GALNT2: variants seen among roughly 807,000 people sequenced by gnomAD.
The protein encoded by GALNT2 is polypeptide N-acetylgalactosaminyltransferase 2.
In GALNT2, 31 loss-of-function variants were observed where a neutral mutation model predicts 81.4. That is an observed-to-expected ratio of 0.38 (90% CI 0.29 to 0.51). GALNT2 has a LOEUF of 0.51. Ranked by LOEUF, GALNT2 falls within the 20% of genes least tolerant of loss-of-function variation. GALNT2 has a pLI of 0.87. For synonymous variants in GALNT2, 303 were observed against 287.4 expected (o/e 1.05, Z -0.55); for missense variants, 629 against 765.7 (o/e 0.82, Z 2.11).
At chr1:230,235,784 C>T (rs1427388261) in intron 3 of GALNT2, among the ~76,000 whole-genome samples, 1 of 152,106 alleles carries the variant, frequency 6.6e-6, no homozygotes, top group African/African-American at 2.4e-5. Flanking sequence ...CAATATGTTA[C>T]TTTTTGCCGA....
intron 3 of GALNT2, among the ~76,000 whole-genome samples, chr1:230,228,063 C>T (rs1664767719): frequency 6.6e-6 from 1 of 151,978 alleles, no homozygotes; most frequent in South Asian, 2.1e-4. Context: ...ACGGCCAATT[C>T]AAAAATGTAA....
rs76884312 is a variant in GALNT2 at position 230,124,058 on chromosome 1, C to G, written c.127-54160C>G. ...GTGAGGATGACCTGAAGATATGACT[C>G]CCTGTCCTTTGGACTAAGTGGCCTT... On this transcript the variant is annotated intron_variant, in intron 1 of 15. Coordinates refer to ENST00000366672, the MANE Select transcript of GALNT2 (RefSeq NM_004481.5). 2.0e-5 allele frequency among the ~76,000 whole-genome samples: 3 copies of G among 152,150 alleles called. No individual in the cohort carries two copies. In the East Asian group the frequency reaches 5.8e-4, roughly 29 times the overall value.
chr1:230,178,085 G>T, intron 1 of GALNT2, 133 bp from the exon 2 acceptor site: 4 of 586,138 alleles, frequency 6.8e-6, no homozygotes, highest in Non-Finnish European at 1.2e-5. Context: ...TTTAAGATGT[G>T]CCCTCCCTCC....
chr1:230,246,362 C>A (rs1274161448), intron 8 of GALNT2, among the ~76,000 whole-genome samples: 3 of 152,214 alleles, frequency 2.0e-5, no homozygotes, highest in Non-Finnish European at 4.4e-5. Flanking sequence ...CTGGGTTTCC[C>A]TTTCTCCTCT....
chr1:230,075,151 A>G (rs1190905765), intron 1 of GALNT2, among the ~76,000 whole-genome samples: 1 of 130,728 alleles, frequency 7.6e-6, no homozygotes, highest in African/African-American at 2.9e-5. Flanking sequence ...TTTGAGACAA[A>G]GTCTCACTCT....
At chr1:230,120,853 G>A (rs1346740593) in intron 1 of GALNT2, among the ~76,000 whole-genome samples, 1 of 152,124 alleles carries the variant, frequency 6.6e-6, no homozygotes, top group Admixed American at 6.5e-5. Context: ...TGTTGGCACT[G>A]CTTCCACCCC....
chr1:230,277,149 G>A (rs1666325424), intron 15 of GALNT2, among the ~76,000 whole-genome samples: 1 of 152,142 alleles, frequency 6.6e-6, no homozygotes, highest in Non-Finnish European at 1.5e-5. Flanking sequence ...CTGGATGTAT[G>A]GCATGTATAA....
Position 230,105,392 on chromosome 1 carries a change from A to G in GALNT2, c.126+37986A>G, listed in dbSNP as rs919005019. Among the ~76,000 whole-genome samples the G allele has an allele frequency of 2.8e-4, 42 of 151,758 alleles. 1 individual carries two copies. The highest frequency in any genetic ancestry group is 5.9e-5 in the Non-Finnish European group (4 of 68,026). On this transcript the variant is annotated intron_variant, in intron 1 of 15. Transcript: ENST00000366672. The stretch of plus-strand genomic sequence containing the variant: ...GTCGCACCATATCATTGATTCTACA[A>G]TGCACATTTCCCCCGCCTCTCATGT...
In GALNT2 at chr1:230,158,872, C is replaced by T. The variant is rs189860918; in HGVS notation, c.127-19346C>T. ...GGCTTTGTTCGTTTGCACACGAGGTCGTGAATAGCTGGCAACAAAGAGGAT... is the reference window on the plus strand; with the variant it reads ...GGCTTTGTTCGTTTGCACACGAGGTTGTGAATAGCTGGCAACAAAGAGGAT... On this transcript the variant is annotated intron_variant, in intron 1 of 15. Transcript: ENST00000366672. Among the ~76,000 whole-genome samples, 425 of 152,258 alleles carry T rather than the reference C, an allele frequency of 2.8e-3. 1 individual carries two copies. The highest frequency in any genetic ancestry group is 5.3e-3 in the Non-Finnish European group (358 of 68,028).
At chr1:230,242,543 A>T (rs1665232966) in intron 6 of GALNT2, among the ~76,000 whole-genome samples, 1 of 151,832 alleles carries the variant, frequency 6.6e-6, no homozygotes, top group East Asian at 1.9e-4. Flanking sequence ...TTTATTTTTT[A>T]TTTATTTTGA....
At chr1:230,123,971 G>A (rs12733302) in intron 1 of GALNT2, among the ~76,000 whole-genome samples, 17,092 of 152,204 alleles carry the variant, frequency 0.11, 1,169 homozygotes, top group East Asian at 0.21. Context: ...TGTTTATTTG[G>A]TGAACTCTGT....
Position 230,275,855 on chromosome 1 carries a change from GATATACATATATAAATGCCACAGAT to G in GALNT2, c.1560+1307_1560+1331del, listed in dbSNP as rs1194861084. 2.1e-5 allele frequency among the ~76,000 whole-genome samples: 3 copies of G among 145,462 alleles called. No individual in the cohort carries two copies. Among genetic ancestry groups the G allele is most frequent in the Non-Finnish European group, 4.5e-5 (3 of 66,634 alleles). On this transcript the variant is annotated intron_variant, in intron 15 of 15. Transcript: ENST00000366672. The surrounding 1 kb of genome is among the most constrained non-coding windows in gnomAD (Gnocchi z 5.5). The stretch of plus-strand genomic sequence containing the variant: ...TATACATGTATATACATGCCACATA[GATATACATATATAAATGCCACAGAT>G]ATATACATATATAAACACCACATAT...
chr1:230,120,298 A>T (rs1414267738), intron 1 of GALNT2, among the ~76,000 whole-genome samples: 1 of 151,848 alleles, frequency 6.6e-6, no homozygotes, highest in Non-Finnish European at 1.5e-5. Context: ...CCACCCATTC[A>T]GTTCCAGGGG....
intron 1 of GALNT2, among the ~76,000 whole-genome samples, chr1:230,093,620 C>T (rs1313189047): frequency 2.0e-5 from 3 of 152,230 alleles, no homozygotes; most frequent in Non-Finnish European, 2.9e-5. Context: ...TGGCCTTGCA[C>T]ATGTGGGCAA....
chr1:230,207,405 A>G (rs550282423), intron 3 of GALNT2, among the ~76,000 whole-genome samples: 1 of 152,206 alleles, frequency 6.6e-6, no homozygotes, highest in African/African-American at 2.4e-5. Context: ...GAGCCTCCCA[A>G]ACAAACAGAC....
At chr1:230,230,451 T>C (rs375389647) in intron 3 of GALNT2, among the ~76,000 whole-genome samples, 69 of 152,318 alleles carry the variant, frequency 4.5e-4, no homozygotes, top group East Asian at 3.3e-3. Context: ...TGCCTGCTCA[T>C]AGACACGCAG....
In GALNT2 at chr1:230,151,670, A is replaced by G. The variant is rs748497307; in HGVS notation, c.127-26548A>G. Among the ~76,000 whole-genome samples, 4 of 152,326 alleles carry G rather than the reference A, an allele frequency of 2.6e-5. 1 individual carries two copies. Among genetic ancestry groups the G allele is most frequent in the African/African-American group, 4.8e-5 (2 of 41,572 alleles). Reference sequence around the variant, plus strand: ...CCTCAGTTCATTGATGGCTTCAACTACAGATGAACCAGTGTTACAGGAAAG... The same window carrying G: ...CCTCAGTTCATTGATGGCTTCAACTGCAGATGAACCAGTGTTACAGGAAAG... On this transcript the variant is annotated intron_variant, in intron 1 of 15. Coordinates refer to ENST00000366672, the MANE Select transcript of GALNT2 (RefSeq NM_004481.5).
At chr1:230,138,630 C>T (rs575218560) in intron 1 of GALNT2, among the ~76,000 whole-genome samples, 2 of 151,728 alleles carry the variant, frequency 1.3e-5, no homozygotes, top group Admixed American at 1.3e-4. Context: ...ATTTCTTGAT[C>T]ATATGCTAAA....
chr1:230,182,985 T>C (rs906472671), intron 2 of GALNT2, among the ~76,000 whole-genome samples: 4 of 152,226 alleles, frequency 2.6e-5, no homozygotes, highest in Admixed American at 6.5e-5. Context: ...AAACAGACTT[T>C]TAAAAAATCA....
Sources: allele counts gnomAD v4.1 joint callset (sites outside exome capture counted in the v4.1 genomes callset), GRCh38; gene constraint gnomAD v4.1.1; non-coding constraint Gnocchi (gnomAD v3.1); transcripts MANE v1.5; gene names NCBI Gene and HGNC (gene_info 2026-07-23, HGNC 2026-07-21).